The following IGF1 variants were observed in gnomAD, a reference collection of about 807,000 sequenced individuals.
The protein encoded by IGF1 is insulin-like growth factor 1.
A neutral mutation model predicts 13.8 loss-of-function variants in IGF1; 4 were observed. The observed-to-expected ratio is 0.29, with a 90% CI of 0.14 to 0.66. IGF1 has a LOEUF of 0.66. IGF1 is among the 30% of genes least tolerant of loss of function. The pLI, the probability that IGF1 is intolerant of heterozygous loss-of-function variation, is 0.78. For missense variants in IGF1, 124 were observed against 188.5 expected (o/e 0.66, Z 2.00); for synonymous variants, 76 against 72.6 (o/e 1.05, Z -0.23).
In IGF1 at chr12:102,408,797, A is replaced by G. The variant is rs1259955620; in HGVS notation, c.403-6231T>C. On this transcript the variant is annotated intron_variant, in intron 3 of 3. Coordinates refer to ENST00000337514, the MANE Select transcript of IGF1 (RefSeq NM_000618.5). ...AAAAACTCCATGATGACTTTGCTGA[A>G]CTTTCCTTAGACCATAGACCCACCA... 3.9e-5 allele frequency among the ~76,000 whole-genome samples: 6 copies of G among 152,220 alleles called. No homozygotes were observed. In the East Asian group the frequency reaches 5.8e-4, roughly 15 times the overall value.
chr12:102,433,639 C>G (rs1381836675), intron 2 of IGF1, among the ~76,000 whole-genome samples: 1 of 152,080 alleles, frequency 6.6e-6, no homozygotes, highest in Non-Finnish European at 1.5e-5. Flanking sequence ...ATCTCGAGGG[C>G]AGACACTGTC....
At chr12:102,444,825 T>C (rs1878174293) in intron 2 of IGF1, among the ~76,000 whole-genome samples, 1 of 152,016 alleles carries the variant, frequency 6.6e-6, no homozygotes, top group Non-Finnish European at 1.5e-5. Context: ...AACTCATAAA[T>C]AACTATGATA....
At position 102,402,121 on chromosome 12, in the gene IGF1, G is replaced by A. The variant is rs1265143988; in HGVS notation, c.*386C>T. 4 of 157,220 alleles carry A rather than the reference G, an allele frequency of 2.5e-5. No individual in the cohort carries two copies. The highest frequency in any genetic ancestry group is 4.8e-5 in the African/African-American group (2 of 41,444). 9.7% of individuals were successfully genotyped at this position (157,220 alleles called of 1,614,324 possible). The stretch of plus-strand genomic sequence containing the variant: ...AACAATTCATAAACCACTTAGACAA[G>A]GTTGCTGAATGAATGGCTCCAGCAG... On this transcript the variant is annotated 3_prime_UTR_variant, in exon 4 of 4. Transcript: ENST00000337514.
In IGF1 at chr12:102,414,762, C is replaced by CT. The variant is rs1216807423; in HGVS notation, c.402+4746dup. ...TTTAGCCTCTCCAATGCTTATAACT[C>CT]TTGTTCATGCCTAGTACAGAGGTTT... On this transcript the variant is annotated intron_variant, in intron 3 of 3. Transcript: ENST00000337514. Among the ~76,000 whole-genome samples, 11 of 152,294 alleles carry CT rather than the reference C, an allele frequency of 7.2e-5. No homozygotes were observed. The East Asian group carries it at 1.7e-3, about 24-fold the overall frequency.
chr12:102,474,169 C>G (rs1880867441), intron 2 of IGF1, among the ~76,000 whole-genome samples: 1 of 152,156 alleles, frequency 6.6e-6, no homozygotes, highest in South Asian at 2.1e-4. Context: ...CATGTGATGT[C>G]CCACAGTTAT....
At chr12:102,424,811 A>G (rs1326757587) in intron 2 of IGF1, among the ~76,000 whole-genome samples, 1 of 152,168 alleles carries the variant, frequency 6.6e-6, no homozygotes, top group Non-Finnish European at 1.5e-5. Context: ...CCCCAATGTA[A>G]TACATTGAAT....
intron 2 of IGF1, among the ~76,000 whole-genome samples, chr12:102,473,677 T>C (rs1189769978): frequency 6.6e-6 from 1 of 152,206 alleles, no homozygotes; most frequent in Non-Finnish European, 1.5e-5. Flanking sequence ...ATATATAACA[T>C]TTCCTTTTCA....
intron 2 of IGF1, among the ~76,000 whole-genome samples, chr12:102,455,099 G>A (rs943503525): frequency 1.3e-5 from 2 of 152,164 alleles, no homozygotes; most frequent in African/African-American, 4.8e-5. Context: ...GGAAAATATT[G>A]GCTCTGACAT....
At chr12:102,448,033 G>A (rs12426645) in intron 2 of IGF1, among the ~76,000 whole-genome samples, 4,850 of 151,762 alleles carry the variant, frequency 0.032, 292 homozygotes, top group East Asian at 0.27. Context: ...TCTGACAAAG[G>A]GTAATATCCA....
intron 3 of IGF1, chr12:102,415,568 T>TTCCTTCCG (rs1196818565): frequency 2.1e-4 from 30 of 143,346 alleles, no homozygotes; most frequent in East Asian, 4.1e-4. Flanking sequence ...CCTTCCTTCC[T>TTCCTTCCG]TCCTTCCTTC....
intron 2 of IGF1, among the ~76,000 whole-genome samples, chr12:102,426,684 A>G (rs1876235568): frequency 6.6e-6 from 1 of 152,258 alleles, no homozygotes; most frequent in African/African-American, 2.4e-5. Context: ...TTTGTCCCAA[A>G]TAATCCACTG....
At position 102,413,910 on chromosome 12, in the gene IGF1, G is replaced by C. The variant is rs114013688; in HGVS notation, c.402+5599C>G. 4.2e-3 allele frequency among the ~76,000 whole-genome samples: 634 copies of C among 152,222 alleles called. 2 individuals are homozygous for C. Among genetic ancestry groups the C allele is most frequent in the African/African-American group, 0.014 (596 of 41,520 alleles). On this transcript the variant is annotated intron_variant, in intron 3 of 3. Transcript: ENST00000337514. The stretch of plus-strand genomic sequence containing the variant: ...ACCAGGGGTTCTCTGGGTTGGAATG[G>C]TTCTTAGGTCATTGAGTTCTCTTAT...
intron 2 of IGF1, among the ~76,000 whole-genome samples, chr12:102,448,538 G>T (rs1291468584): frequency 1.8e-5 from 2 of 112,378 alleles, no homozygotes; most frequent in Non-Finnish European, 3.5e-5. Context: ...GGGGACTGTG[G>T]TGGGGTGGGG....
chr12:102,452,398 A>C (rs191255549), intron 2 of IGF1, among the ~76,000 whole-genome samples: 1 of 152,000 alleles, frequency 6.6e-6, no homozygotes, highest in Admixed American at 6.5e-5. Context: ...AGTCTTGGAC[A>C]GTTCTTTATA....
intron 2 of IGF1, among the ~76,000 whole-genome samples, chr12:102,448,843 A>G (rs1450583528): frequency 3.9e-5 from 6 of 152,200 alleles, no homozygotes; most frequent in Admixed American, 6.5e-5. Flanking sequence ...CAAAACCACA[A>G]TGAGATACCA....
intron 2 of IGF1, among the ~76,000 whole-genome samples, chr12:102,441,043 C>A (rs1483300968): frequency 2.0e-5 from 3 of 152,020 alleles, no homozygotes; most frequent in African/African-American, 7.3e-5. Context: ...TTCAGCTATC[C>A]CCTGTACAAG....
intron 1 of IGF1, among the ~76,000 whole-genome samples, chr12:102,479,225 C>T (rs985088043): frequency 7.9e-5 from 12 of 152,098 alleles, no homozygotes; most frequent in Admixed American, 2.0e-4. Context: ...AATCAGGTGC[C>T]TGACAAGGGT....
At chr12:102,441,933 T>TCTTCTTCTTCTTCTCCTTCTCCTTCTC (rs1877827377) in intron 2 of IGF1, among the ~76,000 whole-genome samples, 1 of 133,902 alleles carries the variant, frequency 7.5e-6, no homozygotes, top group Admixed American at 8.5e-5. Flanking sequence ...TTCTTCTTCT[T>TCTTCTTCTTCTTCTCCTTCTCCTTCTC]CTTCTTCTTC....
At chr12:102,405,812 A>G (rs1874103360) in intron 3 of IGF1, among the ~76,000 whole-genome samples, 1 of 152,262 alleles carries the variant, frequency 6.6e-6, no homozygotes, top group Non-Finnish European at 1.5e-5. Context: ...CTACAAGAAA[A>G]CATTAAGATA....
Sources: allele counts gnomAD v4.1 joint callset (sites outside exome capture counted in the v4.1 genomes callset), GRCh38; gene constraint gnomAD v4.1.1; transcripts MANE v1.5; gene names NCBI Gene and HGNC (gene_info 2026-07-23, HGNC 2026-07-21).